The following TTC34 variants were observed in gnomAD, a reference collection of about 807,000 sequenced individuals.
The protein encoded by TTC34 is tetratricopeptide repeat domain 34, also known as tetratricopeptide repeat protein 34.
A neutral mutation model predicts 40.7 loss-of-function variants in TTC34; 44 were observed. That is an observed-to-expected ratio of 1.08 (90% CI 0.85 to 1.39). The LOEUF (loss-of-function observed/expected upper bound fraction) is 1.39. Among genes scored for constraint, TTC34 ranks in the 40% most tolerant of loss-of-function variants. TTC34 has a pLI of 0.00. For missense variants in TTC34, 884 were observed against 838.0 expected (o/e 1.05, Z -0.68); for synonymous variants, 422 against 398.6 (o/e 1.06, Z -0.70).
At chr1:2,639,036 G>A (rs915105006) in exon 9 of TTC34, 4 of 152,270 alleles carry the variant, frequency 2.6e-5, no homozygotes, top group Admixed American at 6.5e-5. Flanking sequence ...CATGGTGGAG[G>A]GGCTTGGGAG....
At chr1:2,750,526 C>A (rs1418979121) in intron 6 of TTC34, among the ~76,000 whole-genome samples, 2 of 57,948 alleles carry the variant, frequency 3.5e-5, no homozygotes, top group Non-Finnish European at 4.5e-5. Context: ...CACCCACATC[C>A]CCAAGCGAGC....
chr1:2,793,697 G>T (rs1451001967), intron 2 of TTC34, among the ~76,000 whole-genome samples: 1 of 152,162 alleles, frequency 6.6e-6, no homozygotes, highest in East Asian at 1.9e-4. Flanking sequence ...TTTCTCTATA[G>T]ATTTGCAACA....
At chr1:2,682,794 AG>A (rs1640136868) in intron 6 of TTC34, among the ~76,000 whole-genome samples, 1 of 134,994 alleles carries the variant, frequency 7.4e-6, no homozygotes, top group Non-Finnish European at 1.7e-5. Flanking sequence ...CTGCCCCCCC[AG>A]GTGAGCATCT....
intron 6 of TTC34, among the ~76,000 whole-genome samples, chr1:2,657,454 C>G (rs1313524611): frequency 4.4e-5 from 4 of 90,010 alleles, no homozygotes; most frequent in Non-Finnish European, 8.5e-5. Context: ...TGGAGCAGCA[C>G]CCACGCCCCC....
Position 2,790,080 on chromosome 1 carries a change from G to A in TTC34, c.1051C>T (p.Leu351=), listed in dbSNP as rs12041619. The change falls in exon 3 of 9, where the codon CTG becomes TTG. Residue 351 remains leucine, a synonymous_variant. Coordinates refer to ENST00000401095, the Ensembl canonical transcript of TTC34. ...CGGAGCGCGCGGGTTACCGGGGCCAGCAGCTCGCGGCCCGCATCCTCGCGG... is the reference window on the plus strand; with the variant it reads ...CGGAGCGCGCGGGTTACCGGGGCCAACAGCTCGCGGCCCGCATCCTCGCGG... 3,720 of 397,990 alleles carry A rather than the reference G, an allele frequency of 9.3e-3. 157 individuals are homozygous for A. Among genetic ancestry groups the A allele is most frequent in the Admixed American group, 0.084 (1,901 of 22,704 alleles). 24.7% of individuals were successfully genotyped at this position (397,990 alleles called of 1,614,324 possible). A position where few individuals can be genotyped will look rare whatever the true frequency, so the allele number is the denominator to read the frequency against.
At chr1:2,748,119 C>A (rs1423102698) in intron 6 of TTC34, among the ~76,000 whole-genome samples, 173 of 59,288 alleles carry the variant, frequency 2.9e-3, no homozygotes, top group Non-Finnish European at 3.8e-3. Context: ...AGCACCCATA[C>A]CCCCAGGCGA....
Position 2,690,943 on chromosome 1 carries a change from C to G in TTC34, c.2227-45380G>C, listed in dbSNP as rs554109567. On this transcript the variant is annotated intron_variant, in intron 6 of 8. Transcript: ENST00000401095. ...ACAGCCTGGAACAGAACCCACACCT[C>G]CAGGTGAGCATCTGACAGACTGGAA... 3.1e-5 allele frequency among the ~76,000 whole-genome samples: 2 copies of G among 64,066 alleles called. 1 individual carries two copies. Among genetic ancestry groups the G allele is most frequent in the African/African-American group, 1.0e-4 (2 of 19,324 alleles). The allele number at this position is 64,066 out of a possible 152,430, so 42.0% of individuals were successfully genotyped here.
intron 2 of TTC34, among the ~76,000 whole-genome samples, chr1:2,792,122 C>A (rs577479199): frequency 4.8e-4 from 71 of 148,806 alleles, no homozygotes; most frequent in Admixed American, 1.4e-3. Context: ...GCTCAGCCTC[C>A]TGTGTAGTTG....
At chr1:2,698,730 C>T (rs1379882977) in intron 6 of TTC34, among the ~76,000 whole-genome samples, 32 of 127,462 alleles carry the variant, frequency 2.5e-4, no homozygotes, top group East Asian at 9.7e-4. Flanking sequence ...ACCAACAACC[C>T]CAGGCTTGCA....
chr1:2,786,537 G>A (rs541610265), intron 4 of TTC34, among the ~76,000 whole-genome samples: 97 of 152,290 alleles, frequency 6.4e-4, no homozygotes, highest in Middle Eastern at 6.8e-3. Flanking sequence ...GGTGGGCTGG[G>A]ACTCTCAGGG....
At chr1:2,783,651 C>T (rs1167411623) in exon 6 of TTC34, 5 of 1,490,000 alleles carry the variant, frequency 3.4e-6, no homozygotes, top group Admixed American at 2.1e-5. Flanking sequence ...CCCGTCCACA[C>T]AGTGCCTGCA....
intron 6 of TTC34, among the ~76,000 whole-genome samples, chr1:2,698,290 C>T (rs199819449): frequency 3.8e-5 from 2 of 52,964 alleles, no homozygotes; most frequent in East Asian, 4.7e-4. Flanking sequence ...CCTGCACCCC[C>T]GGTGCGCACG....
rs1464623897 is a variant in TTC34, at chr1:2,751,752, A to C, written c.2226+31857T>G. Among the ~76,000 whole-genome samples, 283 of 107,320 alleles carry C rather than the reference A, an allele frequency of 2.6e-3. 4 individuals carry two copies. The highest frequency in any genetic ancestry group is 4.4e-3 in the South Asian group (14 of 3,196). The allele number at this position is 107,320 out of a possible 152,430, so 70.4% of individuals were successfully genotyped here. On this transcript the variant is annotated intron_variant, in intron 6 of 8. Transcript: ENST00000401095. ...CCCCCAGGTGAGCATCTGACATCGTAGAGCAGCACCCCACACCCACAGGTG... is the reference window on the plus strand; with the variant it reads ...CCCCCAGGTGAGCATCTGACATCGTCGAGCAGCACCCCACACCCACAGGTG...
At chr1:2,760,180 CCGCCCGG>C (rs1641650208) in intron 6 of TTC34, among the ~76,000 whole-genome samples, 11 of 120,170 alleles carry the variant, frequency 9.2e-5, no homozygotes, top group Non-Finnish European at 1.7e-4. Context: ...GAGCATCTGA[CCGCCCGG>C]AGCAGCACCC....
At chr1:2,653,727 C>T (rs1447709222) in intron 6 of TTC34, among the ~76,000 whole-genome samples, 1 of 151,750 alleles carries the variant, frequency 6.6e-6, no homozygotes, top group Non-Finnish European at 1.5e-5. Context: ...GCAGCACCCA[C>T]AACCACAAGT....
intron 6 of TTC34, among the ~76,000 whole-genome samples, chr1:2,675,200 A>G (rs1485455731): frequency 7.8e-6 from 1 of 127,448 alleles, no homozygotes; most frequent in Non-Finnish European, 1.8e-5. Context: ...AGCACCGACA[A>G]CCCCAGGTGA....
chr1:2,641,999 TCC>T, intron 8 of TTC34, 104 bp from the exon 9 acceptor site: 4 of 1,269,410 alleles, frequency 3.2e-6, no homozygotes, highest in Non-Finnish European at 4.2e-6. Context: ...TTCTGCTGGC[TCC>T]CTGGGGATGG....
chr1:2,775,095 C>A, intron 6 of TTC34: 2 of 134,352 alleles, frequency 1.5e-5, no homozygotes, highest in African/African-American at 2.9e-5. Context: ...CAGCCTGGAA[C>A]AGAATTCTCC....
chr1:2,694,656 G>T (rs202093657), intron 6 of TTC34, among the ~76,000 whole-genome samples: 1 of 83,544 alleles, frequency 1.2e-5, no homozygotes, highest in African/African-American at 3.8e-5. Context: ...TGACGGCCTG[G>T]AACAGCACAC....
Sources: allele counts gnomAD v4.1 joint callset (sites outside exome capture counted in the v4.1 genomes callset), GRCh38; gene constraint gnomAD v4.1.1; transcripts MANE v1.5; gene names NCBI Gene and HGNC (gene_info 2026-07-23, HGNC 2026-07-21).